The following FOXK1 variants were observed in gnomAD, a reference collection of about 807,000 sequenced individuals.
The protein encoded by FOXK1 is forkhead box protein K1.
A neutral mutation model predicts 51.9 loss-of-function variants in FOXK1; 19 were observed. The observed-to-expected ratio is 0.37, with a 90% confidence interval of 0.26 to 0.54. The LOEUF is 0.54. FOXK1 is among the 20% of genes least tolerant of loss of function. The pLI, the probability that FOXK1 is intolerant of heterozygous loss-of-function variation, is 0.87. For synonymous variants in FOXK1, 537 were observed against 482.6 expected, an observed-to-expected ratio of 1.11 and a Z score of -1.48; for missense variants, 870 against 1,032.7, an observed-to-expected ratio of 0.84 and a Z score of 2.16.
rs774172135 is a variant in FOXK1, at chr7:4,733,598, C to T, written c.561-7240C>T. 1.3e-5 allele frequency among the ~76,000 whole-genome samples: 2 copies of T among 152,164 alleles called. No individual in the cohort carries two copies. Among genetic ancestry groups the T allele is most frequent in the East Asian group, 1.9e-4 (1 of 5,186 alleles). On this transcript the variant is annotated intron_variant, in intron 1 of 8. Coordinates refer to ENST00000328914, the MANE Select transcript of FOXK1 (RefSeq NM_001037165.2). The surrounding 1 kb of genome is among the most constrained non-coding windows in gnomAD (Gnocchi z 5.0). ...GAAACATGGTCTTCAGTTGGGTGGACGTTTCTCTGTCTCCATGTTTGCTAT... is the reference window on the plus strand; with the variant it reads ...GAAACATGGTCTTCAGTTGGGTGGATGTTTCTCTGTCTCCATGTTTGCTAT...
Position 4,770,198 on chromosome 7 carries a change from G to A in FOXK1, c.*7734G>A, listed in dbSNP as rs1032114449. ...TAGCCTCTAAATCTCCAGGTTAACT[G>A]GTCCAGATTTTTTTTTTTTAATCAG... is the stretch of plus-strand genomic sequence containing the variant. On this transcript the variant is annotated 3_prime_UTR_variant, in exon 9 of 9. Transcript: ENST00000328914. The A allele has an allele frequency of 5.9e-5, 9 of 151,900 alleles. No individual in the cohort carries two copies. The highest frequency in any genetic ancestry group is 2.2e-4 in the African/African-American group (9 of 41,294). The allele number at this position is 151,900 out of a possible 1,614,324, so 9.4% of individuals were successfully genotyped here. A position where few individuals can be genotyped will look rare whatever the true frequency, so the allele number is the denominator to read the frequency against.
intron 1 of FOXK1, among the ~76,000 whole-genome samples, chr7:4,695,588 G>A (rs1256231053): frequency 6.6e-6 from 1 of 152,072 alleles, no homozygotes; most frequent in Admixed American, 6.5e-5. Flanking sequence ...GAGGATCACA[G>A]GTCAGGAGTT....
chr7:4,697,182 A>G (rs1779964075), intron 1 of FOXK1, among the ~76,000 whole-genome samples: 1 of 152,168 alleles, frequency 6.6e-6, no homozygotes, highest in Non-Finnish European at 1.5e-5. Context: ...TGCTGTCTGC[A>G]TCTGGAGGAA....
At chr7:4,719,812 AC>A (rs1212845166) in intron 1 of FOXK1, among the ~76,000 whole-genome samples, 1 of 151,986 alleles carries the variant, frequency 6.6e-6, no homozygotes, top group Admixed American at 6.6e-5. Flanking sequence ...GTGCTTATTT[AC>A]CATCTGCAGA....
chr7:4,688,283 CCA>C (rs1159646923), intron 1 of FOXK1, among the ~76,000 whole-genome samples: 1 of 149,152 alleles, frequency 6.7e-6, no homozygotes, highest in Non-Finnish European at 1.5e-5. Flanking sequence ...AAAAAAAAAA[CCA>C]CAGTGTCATT....
At position 4,736,940 on chromosome 7, in the gene FOXK1, C is replaced by A. The variant is rs527858266; in HGVS notation, c.561-3898C>A. 5.9e-5 allele frequency among the ~76,000 whole-genome samples: 9 copies of A among 152,324 alleles called. No individual in the cohort carries two copies. The East Asian group carries it at 1.5e-3, about 26-fold the overall frequency. ...AAGGGAGAAGTCAAGCCTGGGAAGG[C>A]CTTTCCACCCCACTGGAGTTGGGGA... On this transcript the variant is annotated intron_variant, in intron 1 of 8. Coordinates refer to ENST00000328914, the MANE Select transcript of FOXK1 (RefSeq NM_001037165.2).
chr7:4,748,682 T>C lies in FOXK1; in HGVS notation c.747-5777T>C, dbSNP rs1780736536. Among the ~76,000 whole-genome samples the C allele has an allele frequency of 6.6e-6, 1 of 152,160 alleles. No homozygotes were observed. Among genetic ancestry groups the C allele is most frequent in the Non-Finnish European group, 1.5e-5 (1 of 68,024 alleles). ...TTACCAGAGTCCATCCCCCAGTCGC[T>C]TCCTGGGAAAGGGCACAGGAGACAG... On this transcript the variant is annotated intron_variant, in intron 2 of 8. Coordinates refer to ENST00000328914, the MANE Select transcript of FOXK1 (RefSeq NM_001037165.2). This position sits in a 1 kb window ranked among gnomAD's most constrained non-coding sequence, Gnocchi z 4.9.
rs139318716 is a variant in FOXK1, at chr7:4,709,657, G to T, written c.560+26789G>T. 6.6e-6 allele frequency among the ~76,000 whole-genome samples: 1 copy of T among 152,338 alleles called. No individual in the cohort carries two copies. The highest frequency in any genetic ancestry group is 2.4e-5 in the African/African-American group (1 of 41,576). ...GTTAAAATCATGAACTGGTTTTGCC[G>T]CAGTAAAGCGTAATTCACATGATAC... On this transcript the variant is annotated intron_variant, in intron 1 of 8. Transcript: ENST00000328914. The surrounding 1 kb of genome is among the most constrained non-coding windows in gnomAD (Gnocchi z 5.6).
rs71643574 is a variant in FOXK1 at position 4,748,136 on chromosome 7, A to ACTAT, written c.747-6310_747-6307dup. On this transcript the variant is annotated intron_variant, in intron 2 of 8. Coordinates refer to ENST00000328914, the MANE Select transcript of FOXK1 (RefSeq NM_001037165.2). This position sits in a 1 kb window ranked among gnomAD's most constrained non-coding sequence, Gnocchi z 4.9. ...TTTTCCTTTTTCAGATTACGAAGAG[A>ACTAT]CTATCTATCTATCTATATGCATCTT... 7.9e-5 allele frequency among the ~76,000 whole-genome samples: 12 copies of ACTAT among 152,226 alleles called. No homozygotes were observed. The highest frequency in any genetic ancestry group is 4.1e-4 in the South Asian group (2 of 4,822).
Position 4,745,397 on chromosome 7 carries a change from G to A in FOXK1, c.746+4374G>A, listed in dbSNP as rs1056910219. 6.6e-6 allele frequency among the ~76,000 whole-genome samples: 1 copy of A among 151,704 alleles called. No homozygotes were observed. The highest frequency in any genetic ancestry group is 6.6e-5 in the Admixed American group (1 of 15,224). Reference sequence around the variant, plus strand: ...GCCCCCGCCCCCCGCGCCACCCTGCGTCCTTCCTTTCCGTTTCTCGCAGGC... The same window carrying A: ...GCCCCCGCCCCCCGCGCCACCCTGCATCCTTCCTTTCCGTTTCTCGCAGGC... On this transcript the variant is annotated intron_variant, in intron 2 of 8. Transcript: ENST00000328914. The surrounding 1 kb of genome is among the most constrained non-coding windows in gnomAD (Gnocchi z 4.3).
intron 1 of FOXK1, among the ~76,000 whole-genome samples, chr7:4,689,051 A>C (rs1244448602): frequency 6.7e-6 from 1 of 149,472 alleles, no homozygotes. Context: ...ATCTTGGCTC[A>C]TTGCAACCCC....
Position 4,733,769 on chromosome 7 carries a change from GT to G in FOXK1, c.561-7066del, listed in dbSNP as rs1562382623. On this transcript the variant is annotated intron_variant, in intron 1 of 8. Coordinates refer to ENST00000328914, the MANE Select transcript of FOXK1 (RefSeq NM_001037165.2). The surrounding 1 kb of genome is among the most constrained non-coding windows in gnomAD (Gnocchi z 5.0). Reference sequence around the variant, plus strand: ...TCTGGCCCTTGCTCTTGGGTCTGCTGTTTCTCTCACGGGAGAGGCTGCTCTG... The same window carrying G: ...TCTGGCCCTTGCTCTTGGGTCTGCTGTTCTCTCACGGGAGAGGCTGCTCTG... Among the ~76,000 whole-genome samples, 1 of 152,224 alleles carries G rather than the reference GT, an allele frequency of 6.6e-6. No individual in the cohort carries two copies. The highest frequency in any genetic ancestry group is 2.4e-5 in the African/African-American group (1 of 41,460).
rs1406036213 is a variant in FOXK1 at position 4,746,285 on chromosome 7, A to G, written c.746+5262A>G. Among the ~76,000 whole-genome samples, 3 of 152,176 alleles carry G rather than the reference A, an allele frequency of 2.0e-5. No individual in the cohort carries two copies. In the East Asian group the frequency reaches 5.8e-4, roughly 29 times the overall value. On this transcript the variant is annotated intron_variant, in intron 2 of 8. Transcript: ENST00000328914. ...ATAACATTCAGTCCTAACTTGGTTT[A>G]TGTTGTTTTGTAAAGTTAGAGGTCT...
intron 2 of FOXK1, 74 bp downstream of exon 2, chr7:4,741,097 G>T (rs1294446716): frequency 1.8e-6 from 2 of 1,084,374 alleles, no homozygotes; most frequent in Admixed American, 7.3e-5. Flanking sequence ...GTCGTACGCA[G>T]CACCGGGTTC....
At position 4,682,896 on chromosome 7, in the gene FOXK1, C is replaced by T; in HGVS notation, c.560+28C>T. Reference sequence around the variant, plus strand: ...GAGTGGCCCCGCGACCCCCGCCGCCCGCACCCGGGGCTCGCCCACGACCTC... The same window carrying T: ...GAGTGGCCCCGCGACCCCCGCCGCCTGCACCCGGGGCTCGCCCACGACCTC... On this transcript the variant is annotated intron_variant, in intron 1 of 8. Transcript: ENST00000328914. This position sits in a 1 kb window ranked among gnomAD's most constrained non-coding sequence, Gnocchi z 7.6. 7.0e-7 allele frequency: 1 copy of T among 1,431,146 alleles called. No homozygotes were observed. Among genetic ancestry groups the T allele is most frequent in the Non-Finnish European group, 9.2e-7 (1 of 1,089,664 alleles). The allele number at this position is 1,431,146 out of a possible 1,614,324, so 88.7% of individuals were successfully genotyped here.
intron 1 of FOXK1, among the ~76,000 whole-genome samples, chr7:4,727,154 G>C (rs918137664): frequency 6.6e-6 from 1 of 151,898 alleles, no homozygotes; most frequent in Non-Finnish European, 1.5e-5. Context: ...GTCTCACTCT[G>C]TTGCCCAGGC....
At chr7:4,688,693 T>TC (rs1562640542) in intron 1 of FOXK1, among the ~76,000 whole-genome samples, 1 of 152,138 alleles carries the variant, frequency 6.6e-6, no homozygotes, top group African/African-American at 2.4e-5. Flanking sequence ...TCTGCTTTTT[T>TC]CTCATGGAGT....
At position 4,731,901 on chromosome 7, in the gene FOXK1, A is replaced by C. The variant is rs1780482685; in HGVS notation, c.561-8937A>C. ...TTTCAGTAACCGCTTGCTACGTGCCAGCCGTCCGGTCAGGACTGATGTTCA... is the reference window on the plus strand; with the variant it reads ...TTTCAGTAACCGCTTGCTACGTGCCCGCCGTCCGGTCAGGACTGATGTTCA... On this transcript the variant is annotated intron_variant, in intron 1 of 8. Transcript: ENST00000328914. This position sits in a 1 kb window ranked among gnomAD's most constrained non-coding sequence, Gnocchi z 5.3. Among the ~76,000 whole-genome samples, 1 of 152,246 alleles carries C rather than the reference A, an allele frequency of 6.6e-6. No homozygotes were observed. The highest frequency in any genetic ancestry group is 1.5e-5 in the Non-Finnish European group (1 of 68,044).
chr7:4,757,331 A>G, intron 5 of FOXK1, 144 bp downstream of exon 5: 1 of 744,360 alleles, frequency 1.3e-6, no homozygotes, highest in South Asian at 2.0e-5. Context: ...GGTCAAAAAT[A>G]TTCCAAAAAA....
Sources: gnomAD v4.1 joint callset for allele counts (sites outside exome capture counted in the v4.1 genomes callset) on GRCh38, gnomAD v4.1.1 for gene constraint, Gnocchi (gnomAD v3.1) non-coding constraint, MANE v1.5 for transcripts, NCBI Gene and HGNC (gene_info 2026-07-23, HGNC 2026-07-21) for gene names.